Variants in ZSWIM9 observed in about 807,000 individuals in gnomAD.
ZSWIM9 encodes the protein zinc finger SWIM-type containing 9, also known as uncharacterized protein ZSWIM9.
Under a neutral mutation model 25.0 loss-of-function variants are expected in ZSWIM9, and 11 were observed. That is an observed-to-expected ratio of 0.44 (90% CI 0.28 to 0.73). The LOEUF is 0.73. Among genes scored for constraint, ZSWIM9 ranks in the 30% least tolerant of loss-of-function variants. The pLI is 0.16. For synonymous variants in ZSWIM9, 562 were observed against 582.1 expected, an observed-to-expected ratio of 0.97 and a Z score of 0.50; for missense variants, 1,070 against 1,296.5, an observed-to-expected ratio of 0.83 and a Z score of 2.68.
chr19:48,196,815 C>A lies in ZSWIM9; in HGVS notation c.2751C>A (p.Ala917=), dbSNP rs369672104. Residue 917 remains alanine, a synonymous_variant, in exon 4 of 4, where the codon GCC becomes GCA. Coordinates refer to ENST00000614654, the MANE Select transcript of ZSWIM9 (RefSeq NM_199341.4). The part of the protein sequence containing the change: ...MDLLRDCWGR[A]PEP ...TGCTCAGGGATTGCTGGGGGAGAGC[C>A]CCAGAGCCCTGACCCTTCATGCCTC... 1.6e-5 allele frequency: 20 copies of A among 1,236,984 alleles called. No homozygotes were observed. The highest frequency in any genetic ancestry group is 1.9e-5 in the Non-Finnish European group (19 of 991,066). The allele number at this position is 1,236,984 out of a possible 1,614,324, so 76.6% of individuals were successfully genotyped here. A position where few individuals can be genotyped will look rare whatever the true frequency, so the allele number is the denominator to read the frequency against.
chr19:48,180,543 C>A (rs879557755), intron 2 of ZSWIM9, among the ~76,000 whole-genome samples: 1 of 151,968 alleles, frequency 6.6e-6, no homozygotes, highest in Non-Finnish European at 1.5e-5. Flanking sequence ...CTTATAAGAA[C>A]CTTTGTGATG....
intron 2 of ZSWIM9, among the ~76,000 whole-genome samples, chr19:48,177,458 T>C (rs781743813): frequency 6.6e-6 from 1 of 152,068 alleles, no homozygotes; most frequent in Non-Finnish European, 1.5e-5. Flanking sequence ...ATAAACAAAA[T>C]AGACAAAAAT....
rs1012417984 is a variant in ZSWIM9 at position 48,197,017 on chromosome 19, C to T, written c.*190C>T. 7.0e-6 allele frequency: 4 copies of T among 568,404 alleles called. No individual in the cohort carries two copies. The Admixed American group carries it at 1.3e-4, about 19-fold the overall frequency. 35.2% of individuals were successfully genotyped at this position (568,404 alleles called of 1,614,324 possible). On this transcript the variant is annotated 3_prime_UTR_variant, in exon 4 of 4. Coordinates refer to ENST00000614654, the MANE Select transcript of ZSWIM9 (RefSeq NM_199341.4). ...GCAAGCTGTAAGTGGTCTCTGAGGTCCTGGAGCCACAGCTTGGGAAGGTGT... is the reference window on the plus strand; with the variant it reads ...GCAAGCTGTAAGTGGTCTCTGAGGTTCTGGAGCCACAGCTTGGGAAGGTGT...
At chr19:48,181,015 G>C (rs983391013) in intron 2 of ZSWIM9, 1 of 151,232 alleles carries the variant, frequency 6.6e-6, no homozygotes, top group African/African-American at 2.4e-5. Flanking sequence ...TCAAACTCCT[G>C]ATCTCAGGTG....
At chr19:48,185,879 G>A (rs2037005545) in intron 3 of ZSWIM9, among the ~76,000 whole-genome samples, 1 of 152,196 alleles carries the variant, frequency 6.6e-6, no homozygotes, top group Admixed American at 6.5e-5. Flanking sequence ...TCAGCTACTC[G>A]GGAGGCTGAG....
At position 48,196,316 on chromosome 19, in the gene ZSWIM9, G is replaced by C. The variant is rs878989314; in HGVS notation, c.2252G>C (p.Trp751Ser). The C allele has an allele frequency of 8.1e-7, 1 of 1,233,532 alleles. No individual in the cohort carries two copies. Among genetic ancestry groups the C allele is most frequent in the South Asian group, 4.1e-5 (1 of 24,406 alleles). 76.4% of individuals were successfully genotyped at this position (1,233,532 alleles called of 1,614,324 possible). The part of the protein sequence containing the change: ...PKSRAGRGME[W>S]GDAGGRCLGL... ...AGCCGAGCCGGACGAGGGATGGAGT[G>C]GGGAGACGCAGGAGGGCGGTGTCTA... The change falls in exon 4 of 4, where the codon TGG (tryptophan) becomes TCG (serine). Residue 751 changes from tryptophan (W) to serine (S), a missense_variant. By Grantham distance (177) the Trp-to-Ser change is radical. Around this residue, in one of 4 missense-constraint regions of ZSWIM9, gnomAD observed 583 missense variants for 624.7 expected, o/e 0.93. Coordinates refer to ENST00000614654, the MANE Select transcript of ZSWIM9 (RefSeq NM_199341.4).
At chr19:48,180,341 T>TTGA (rs2036935168) in intron 2 of ZSWIM9, among the ~76,000 whole-genome samples, 1 of 150,208 alleles carries the variant, frequency 6.7e-6, no homozygotes, top group Non-Finnish European at 1.5e-5. Context: ...TTTTTTTTTT[T>TTGA]GAGAGGTAGG....
intron 3 of ZSWIM9, among the ~76,000 whole-genome samples, chr19:48,189,929 G>A (rs546048800): frequency 2.5e-4 from 38 of 152,198 alleles, no homozygotes; most frequent in Non-Finnish European, 4.9e-4. Context: ...GAAGGTGGGC[G>A]CAGTGGCTCA....
intron 3 of ZSWIM9, among the ~76,000 whole-genome samples, chr19:48,185,075 G>A (rs1455604815): frequency 2.0e-5 from 3 of 151,796 alleles, no homozygotes; most frequent in Non-Finnish European, 2.9e-5. Flanking sequence ...TTTGAAGGCT[G>A]TCTTGGAATC....
Position 48,195,787 on chromosome 19 carries a change from T to C in ZSWIM9, c.1723T>C (p.Tyr575His). ...EGEKDWGLEG[Y>H]VWRGSQLEDQ... ...TGAGAAAGATTGGGGACTGGAAGGT[T>C]ATGTCTGGAGGGGGTCCCAGTTGGA... The change falls in exon 4 of 4, where the codon TAT (tyrosine) becomes CAT (histidine). Residue 575 changes from tyrosine (Y) to histidine (H), a missense_variant. Transcript: ENST00000614654. The surrounding 1 kb of genome is among the most constrained non-coding windows in gnomAD (Gnocchi z 5.8). 6.7e-7 allele frequency: 1 copy of C among 1,496,604 alleles called. No homozygotes were observed. Among genetic ancestry groups the C allele is most frequent in the Non-Finnish European group, 8.9e-7 (1 of 1,129,360 alleles). 92.7% of individuals were successfully genotyped at this position (1,496,604 alleles called of 1,614,324 possible).
intron 3 of ZSWIM9, among the ~76,000 whole-genome samples, chr19:48,185,687 A>G (rs1228480542): frequency 6.6e-6 from 1 of 152,156 alleles, no homozygotes; most frequent in African/African-American, 2.4e-5. Context: ...CTACAATGAT[A>G]GAAATGTTCC....
chr19:48,192,962 T>C (rs1190302673), intron 3 of ZSWIM9: 2 of 154,900 alleles, frequency 1.3e-5, no homozygotes, highest in African/African-American at 4.8e-5. Flanking sequence ...AGTGCTCAGT[T>C]CTCCCAGCAA....
chr19:48,178,947 C>T (rs1010812820), intron 2 of ZSWIM9, among the ~76,000 whole-genome samples: 1 of 152,144 alleles, frequency 6.6e-6, no homozygotes, highest in Admixed American at 6.5e-5. Context: ...TCTATGGCTT[C>T]GTTTGCAATA....
At position 48,182,458 on chromosome 19, in the gene ZSWIM9, T is replaced by C. The variant is rs949981137; in HGVS notation, c.279T>C (p.Pro93=). The C allele has an allele frequency of 6.5e-7, 1 of 1,531,342 alleles. No homozygotes were observed. The highest frequency in any genetic ancestry group is 8.7e-7 in the Non-Finnish European group (1 of 1,144,182). 94.9% of individuals were successfully genotyped at this position (1,531,342 alleles called of 1,614,324 possible). A position where few individuals can be genotyped will look rare whatever the true frequency, so the allele number is the denominator to read the frequency against. The change falls in exon 3 of 4, where the codon CCT becomes CCC. Residue 93 remains proline, a synonymous_variant. Transcript: ENST00000614654. The surrounding 1 kb of genome is among the most constrained non-coding windows in gnomAD (Gnocchi z 4.6). The part of the protein sequence containing the change: ...VRAPSRPAVG[P]PQPGCPAFII... ...GCGGTGGTGGTTCCTCCCACAGGCC[T>C]CCCCAGCCCGGCTGCCCCGCCTTCA...
rs1403967125 is a variant in ZSWIM9 at position 48,196,071 on chromosome 19, G to C, written c.2007G>C (p.Glu669Asp). Residue 669 changes from glutamate (E) to aspartate (D), a missense_variant, in exon 4 of 4, where the codon GAG becomes GAC. By Grantham distance (45) the Glu-to-Asp change is conservative. This residue lies in a region of ZSWIM9 where 583 missense variants were observed against 624.7 expected (regional missense o/e 0.93). Coordinates refer to ENST00000614654, the MANE Select transcript of ZSWIM9 (RefSeq NM_199341.4). ...EVRNLRGIPL[E>D]KSLELAPENG... ...GAAACTTGAGGGGGATCCCCTTGGAGAAGTCCCTGGAGTTGGCCCCTGAGA... is the reference window on the plus strand; with the variant it reads ...GAAACTTGAGGGGGATCCCCTTGGACAAGTCCCTGGAGTTGGCCCCTGAGA... The C allele has an allele frequency of 1.6e-6, 2 of 1,256,786 alleles. No homozygotes were observed. The allele number at this position is 1,256,786 out of a possible 1,614,324, so 77.9% of individuals were successfully genotyped here.
chr19:48,194,966 A>G lies in ZSWIM9; in HGVS notation c.902A>G (p.Gln301Arg). Reference sequence around the variant, plus strand: ...ACCGCCGGGCCCGAGGTGGCGGCGCAGTTGCCTGCAGTGCGCCAGCTGCTG... The same window carrying G: ...ACCGCCGGGCCCGAGGTGGCGGCGCGGTTGCCTGCAGTGCGCCAGCTGCTG... ...CLTAGPEVAA[Q>R]LPAVRQLLPC... The change falls in exon 4 of 4, where the codon CAG (glutamine) becomes CGG (arginine). Residue 301 changes from glutamine to arginine, a missense_variant. Around this residue, in one of 4 missense-constraint regions of ZSWIM9, gnomAD observed 184 missense variants for 243.1 expected, o/e 0.76. Coordinates refer to ENST00000614654, the MANE Select transcript of ZSWIM9 (RefSeq NM_199341.4). The surrounding 1 kb of genome is among the most constrained non-coding windows in gnomAD (Gnocchi z 6.0). 2 of 1,327,374 alleles carry G rather than the reference A, an allele frequency of 1.5e-6. No individual in the cohort carries two copies. Among genetic ancestry groups the G allele is most frequent in the Non-Finnish European group, 9.6e-7 (1 of 1,041,136 alleles). The allele number at this position is 1,327,374 out of a possible 1,614,324, so 82.2% of individuals were successfully genotyped here.
chr19:48,189,631 C>T (rs2037071513), intron 3 of ZSWIM9: 1 of 153,488 alleles, frequency 6.5e-6, no homozygotes, highest in Non-Finnish European at 1.5e-5. Context: ...CTCTCAAACA[C>T]ATTTTTAAGT....
chr19:48,189,589 TA>T (rs1173117220), intron 3 of ZSWIM9: 1 of 153,678 alleles, frequency 6.5e-6, no homozygotes, highest in African/African-American at 2.4e-5. Flanking sequence ...AAAAAAAGAA[TA>T]AGAACAAGTC....
chr19:48,178,295 A>G (rs537205047), intron 2 of ZSWIM9, among the ~76,000 whole-genome samples: 1 of 152,318 alleles, frequency 6.6e-6, no homozygotes, highest in African/African-American at 2.4e-5. Context: ...GCATGTAGGA[A>G]AAAAGGGGTG....
Sources: gnomAD v4.1 joint callset for allele counts (sites outside exome capture counted in the v4.1 genomes callset) on GRCh38, gnomAD v4.1.1 for gene constraint, gnomAD v4.1.1 regional missense constraint, Gnocchi (gnomAD v3.1) non-coding constraint, MANE v1.5 for transcripts, NCBI Gene and HGNC (gene_info 2026-07-23, HGNC 2026-07-21) for gene names.